KRT4: variants seen among roughly 807,000 people sequenced by gnomAD.
KRT4 encodes the protein keratin, type II cytoskeletal 4.
A neutral mutation model predicts 50.6 loss-of-function variants in KRT4; 47 were observed. That is an observed-to-expected ratio of 0.93 (90% confidence interval 0.73 to 1.18). The LOEUF (loss-of-function observed/expected upper bound fraction) is 1.18, where lower values mean the gene tolerates loss of function less well. Among genes scored for constraint, KRT4 ranks in the 50% most tolerant of loss-of-function variants. The pLI is 0.00. For missense variants in KRT4, 651 were observed against 645.7 expected, an observed-to-expected ratio of 1.01 and a Z score of -0.09; for synonymous variants, 254 against 251.2, an observed-to-expected ratio of 1.01 and a Z score of -0.10.
At chr12:52,808,457 G>A in intron 5 of KRT4, 38 bp from the exon 6 acceptor site, 1 of 1,612,122 alleles carries the variant, frequency 6.2e-7, no homozygotes, top group Non-Finnish European at 8.5e-7. Context: ...AGGTGTTAGG[G>A]GCATTTGGGT....
intron 6 of KRT4, 128 bp from the exon 7 acceptor site, chr12:52,807,992 C>T: frequency 1.1e-6 from 1 of 877,806 alleles, no homozygotes; most frequent in Non-Finnish European, 1.8e-6. Flanking sequence ...TGCCCACTTT[C>T]CCTGAGACTT....
rs1378654633 is a variant in KRT4, at chr12:52,813,693, G to C, written c.366C>G (p.Leu122=). Residue 122 remains leucine, a synonymous_variant, in exon 1 of 9, where the codon CTC becomes CTG. Transcript: ENST00000551956. ...VTINQSLLTP[L]HVEIDPEIQK... The stretch of plus-strand genomic sequence containing the variant: ...GGATCTCAGGGTCAATCTCCACGTG[G>C]AGGGGGGTGAGCAAGCTCTGGTTGA... 6.5e-7 allele frequency: 1 copy of C among 1,531,774 alleles called. No individual in the cohort carries two copies. The highest frequency in any genetic ancestry group is 2.5e-5 in the East Asian group (1 of 39,832). 94.9% of individuals were successfully genotyped at this position (1,531,774 alleles called of 1,614,324 possible).
At chr12:52,808,608 T>C (rs1201025090) in intron 5 of KRT4, 78 bp downstream of exon 5, 1 of 1,549,208 alleles carries the variant, frequency 6.5e-7, no homozygotes, top group African/African-American at 1.4e-5. Flanking sequence ...GGGCTTGAGC[T>C]AATGATCACC....
chr12:52,811,494 C>T, intron 2 of KRT4: 2 of 471,802 alleles, frequency 4.2e-6, no homozygotes, highest in Non-Finnish European at 7.8e-6. Flanking sequence ...TCATACTATA[C>T]TGCTTTTCAT....
At chr12:52,808,934 T>C in intron 4 of KRT4, 84 bp from the exon 5 acceptor site, 5 of 1,438,486 alleles carry the variant, frequency 3.5e-6, no homozygotes, top group Non-Finnish European at 3.9e-6. Flanking sequence ...AGAGCTGGCA[T>C]TCACAATGTG....
In KRT4 at chr12:52,807,051, G is replaced by A; in HGVS notation, c.*18C>T. ...TGGGCCCAGCTGGACACAGTGAGCT[G>A]CAGGGACCTCGTCTCCTCTATCGTC... On this transcript the variant is annotated 3_prime_UTR_variant, in exon 9 of 9. Coordinates refer to ENST00000551956, the MANE Select transcript of KRT4 (RefSeq NM_002272.4). The A allele has an allele frequency of 3.1e-6, 5 of 1,613,330 alleles. No individual in the cohort carries two copies. The highest frequency in any genetic ancestry group is 3.4e-6 in the Non-Finnish European group (4 of 1,179,354).
rs192520749 is a variant in KRT4 at position 52,809,064 on chromosome 12, C to G, written c.835-214G>C. 8 of 657,532 alleles carry G rather than the reference C, an allele frequency of 1.2e-5. No homozygotes were observed. The East Asian group carries it at 1.9e-4, about 16-fold the overall frequency. 40.7% of individuals were successfully genotyped at this position (657,532 alleles called of 1,614,324 possible). On this transcript the variant is annotated intron_variant, in intron 4 of 8. Transcript: ENST00000551956. ...CCAGGAACCATAAGCCACTCTAATG[C>G]AGTGAGTGCCGGTGTGTTGGAATGG...
rs1939804163 is a variant in KRT4 at position 52,806,808 on chromosome 12, A to AG, written c.*260dup. On this transcript the variant is annotated 3_prime_UTR_variant, in exon 9 of 9. Coordinates refer to ENST00000551956, the MANE Select transcript of KRT4 (RefSeq NM_002272.4). ...GGTCATTTTCTTCTCTGTCCATGGG[A>AG]GGTGAGAGGTCAGCTGACATCCTTC... The AG allele has an allele frequency of 1.8e-6, 1 of 555,390 alleles. No individual in the cohort carries two copies. Among genetic ancestry groups the AG allele is most frequent in the African/African-American group, 1.9e-5 (1 of 53,052 alleles). 34.4% of individuals were successfully genotyped at this position (555,390 alleles called of 1,614,324 possible). A position where few individuals can be genotyped will look rare whatever the true frequency, so the allele number is the denominator to read the frequency against.
intron 1 of KRT4, among the ~76,000 whole-genome samples, chr12:52,812,195 A>C (rs1157039269): frequency 2.0e-5 from 3 of 152,200 alleles, no homozygotes; most frequent in African/African-American, 7.2e-5. Flanking sequence ...TAGGTTGTGG[A>C]GAATAGAGCA....
In KRT4 at chr12:52,810,703, C is replaced by T. The variant is rs938468536; in HGVS notation, c.738+53G>A. The T allele has an allele frequency of 2.2e-5, 33 of 1,478,544 alleles. 1 individual carries two copies. Among genetic ancestry groups the T allele is most frequent in the South Asian group, 3.4e-5 (3 of 88,504 alleles). 91.6% of individuals were successfully genotyped at this position (1,478,544 alleles called of 1,614,324 possible). ...CCCATGACTTCAGCCAAAGACCACT[C>T]CCCAAGGGAAGGGGCACCCTGAAGG... On this transcript the variant is annotated intron_variant, in intron 3 of 8. Coordinates refer to ENST00000551956, the MANE Select transcript of KRT4 (RefSeq NM_002272.4).
In KRT4 at chr12:52,807,199, C is replaced by G. The variant is rs371126721; in HGVS notation, c.1433G>C (p.Ser478Thr). ...STGGISGGLG[S>T]GSGFGLSSGF... ...ACTACTCAGGCCAAACCCGGAGCCA[C>G]TTCCTAATCCTCCGCTGATGCCTCC... is the stretch of plus-strand genomic sequence containing the variant. Residue 478 changes from serine (S) to threonine (T), a missense_variant, in exon 9 of 9, where the codon AGT (serine) becomes ACT (threonine). Coordinates refer to ENST00000551956, the MANE Select transcript of KRT4 (RefSeq NM_002272.4). 1 of 1,614,220 alleles carries G rather than the reference C, an allele frequency of 6.2e-7. No individual in the cohort carries two copies. Among genetic ancestry groups the G allele is most frequent in the Non-Finnish European group, 8.5e-7 (1 of 1,180,038 alleles).
chr12:52,808,798 A>T lies in KRT4; in HGVS notation c.887T>A (p.Met296Lys). ...HVSDTSVVLS[M>K]DNNRNLDLDS... ...CAGGTCCAGGTTGCGGTTGTTGTCCATGGAAAGGACCACGGACGTGTCGCT... is the reference window on the plus strand; with the variant it reads ...CAGGTCCAGGTTGCGGTTGTTGTCCTTGGAAAGGACCACGGACGTGTCGCT... The change falls in exon 5 of 9, where the codon ATG (methionine) becomes AAG (lysine). Residue 296 changes from methionine (M) to lysine (K), a missense_variant. By Grantham distance (95) the Met-to-Lys change is moderately conservative. Coordinates refer to ENST00000551956, the MANE Select transcript of KRT4 (RefSeq NM_002272.4). 1 of 1,614,150 alleles carries T rather than the reference A, an allele frequency of 6.2e-7. No individual in the cohort carries two copies. Among genetic ancestry groups the T allele is most frequent in the Non-Finnish European group, 8.5e-7 (1 of 1,179,992 alleles).
chr12:52,810,649 A>C, intron 3 of KRT4, 107 bp downstream of exon 3: 1 of 895,198 alleles, frequency 1.1e-6, no homozygotes, highest in Non-Finnish European at 1.9e-6. Context: ...GTTCCAAGTG[A>C]AGCAGGGATG....
intron 2 of KRT4, 42 bp downstream of exon 2, chr12:52,811,721 G>A: frequency 6.6e-6 from 10 of 1,525,488 alleles, no homozygotes; most frequent in Non-Finnish European, 9.1e-6. Flanking sequence ...GTGTGGCTGG[G>A]CACATGTGTC....
At chr12:52,812,490 T>C (rs904780420) in intron 1 of KRT4, among the ~76,000 whole-genome samples, 4 of 152,188 alleles carry the variant, frequency 2.6e-5, no homozygotes, top group African/African-American at 9.7e-5. Context: ...GTACGCATTG[T>C]CTCACCTAAA....
At chr12:52,812,160 G>A (rs1170086796) in intron 1 of KRT4, among the ~76,000 whole-genome samples, 183 bp from the exon 2 acceptor site, 2 of 152,094 alleles carry the variant, frequency 1.3e-5, no homozygotes, top group East Asian at 3.9e-4. Flanking sequence ...CCCCATTCTC[G>A]AGCCCATAGC....
chr12:52,807,585 T>G, intron 7 of KRT4, 59 bp downstream of exon 7: 1 of 1,582,666 alleles, frequency 6.3e-7, no homozygotes, highest in Non-Finnish European at 8.7e-7. Context: ...GAGGCATAAA[T>G]AAGCTCATGG....
At position 52,811,926 on chromosome 12, in the gene KRT4, G is replaced by T; in HGVS notation, c.514C>A (p.Leu172Ile). Reference sequence around the variant, plus strand: ...GAGGTGGTGGTCGTCTGCTGCTGGAGCAGGTTCCATTTGGTCTCCAGGACC... The same window carrying T: ...GAGGTGGTGGTCGTCTGCTGCTGGATCAGGTTCCATTTGGTCTCCAGGACC... Reference protein sequence around the residue: ...NKVLETKWNLLQQQTTTTSSK... With the variant: ...NKVLETKWNLIQQQTTTTSSK... Residue 172 changes from leucine (L) to isoleucine (I), a missense_variant, in exon 2 of 9, where the codon CTC becomes ATC. Transcript: ENST00000551956. The T allele has an allele frequency of 6.2e-7, 1 of 1,613,998 alleles. No homozygotes were observed.
At chr12:52,810,064 G>A (rs1274271772) in intron 3 of KRT4, among the ~76,000 whole-genome samples, 2 of 152,120 alleles carry the variant, frequency 1.3e-5, no homozygotes, top group Non-Finnish European at 2.9e-5. Flanking sequence ...GTGTACATGT[G>A]GACATAGAGC....
Sources: gnomAD v4.1 joint callset for allele counts (sites outside exome capture counted in the v4.1 genomes callset) on GRCh38, gnomAD v4.1.1 for gene constraint, MANE v1.5 for transcripts, NCBI Gene and HGNC (gene_info 2026-07-23, HGNC 2026-07-21) for gene names.